Variants in HSD17B12 observed in about 807,000 individuals in gnomAD.
HSD17B12 encodes very-long-chain 3-oxoacyl-CoA reductase.
A neutral mutation model predicts 39.3 loss-of-function variants in HSD17B12; 32 were observed. The observed-to-expected ratio is 0.81, with a 90% CI of 0.61 to 1.09. HSD17B12 has a LOEUF of 1.09. Ranked by LOEUF, HSD17B12 falls within the 50% of genes least tolerant of loss-of-function variation. The probability of loss-of-function intolerance (pLI) is 0.00; values close to 1 mark genes in which losing one functional copy is unlikely to be tolerated. For missense variants in HSD17B12, 342 were observed against 382.9 expected (o/e 0.89, Z 0.89); for synonymous variants, 150 against 146.7 (o/e 1.02, Z -0.16).
At chr11:43,793,544 T>G (rs1950888625) in intron 3 of HSD17B12, among the ~76,000 whole-genome samples, 1 of 152,184 alleles carries the variant, frequency 6.6e-6, no homozygotes, top group Admixed American at 6.5e-5. Context: ...TAAAAGGAAA[T>G]GCCAATTTGT....
chr11:43,799,183 C>T (rs529933887), intron 4 of HSD17B12, among the ~76,000 whole-genome samples: 1 of 151,590 alleles, frequency 6.6e-6, no homozygotes, highest in African/African-American at 2.4e-5. Context: ...AATTTTAATA[C>T]CACAAATACA....
At chr11:43,709,800 G>GGTC in intron 1 of HSD17B12, among the ~76,000 whole-genome samples, 1 of 152,198 alleles carries the variant, frequency 6.6e-6, no homozygotes, top group Non-Finnish European at 1.5e-5. Flanking sequence ...AAAAGGGAGA[G>GGTC]AGTTGACCTG....
chr11:43,684,721 C>T (rs1219056839), intron 1 of HSD17B12, among the ~76,000 whole-genome samples: 1 of 152,198 alleles, frequency 6.6e-6, no homozygotes, highest in South Asian at 2.1e-4. Context: ...ATATACCATA[C>T]AATTTGCCCA....
chr11:43,802,262 A>G (rs1012495810), intron 4 of HSD17B12, among the ~76,000 whole-genome samples: 3 of 152,136 alleles, frequency 2.0e-5, no homozygotes, highest in African/African-American at 7.2e-5. Flanking sequence ...CTGGGATTAC[A>G]GGAGTGAGCC....
the HSD17B12 span, among the ~76,000 whole-genome samples, chr11:43,657,604 C>T: frequency 4.3e-4 from 65 of 152,256 alleles, no homozygotes; most frequent in East Asian, 0.012. Context: ...CTGGTGGTGA[C>T]AAAATCTCTC....
At chr11:43,732,937 T>C (rs909649897) in intron 1 of HSD17B12, among the ~76,000 whole-genome samples, 4 of 152,144 alleles carry the variant, frequency 2.6e-5, no homozygotes, top group African/African-American at 9.7e-5. Flanking sequence ...ATGCCTAGCC[T>C]CAGGTTGTTT....
At chr11:43,756,089 C>T (rs1350092173) in intron 3 of HSD17B12, among the ~76,000 whole-genome samples, 1 of 152,134 alleles carries the variant, frequency 6.6e-6, no homozygotes, top group Non-Finnish European at 1.5e-5. Context: ...TCAATTGTCT[C>T]TTACCAGATC....
At chr11:43,785,475 C>T (rs117627654) in intron 3 of HSD17B12, among the ~76,000 whole-genome samples, 2,821 of 152,216 alleles carry the variant, frequency 0.019, 36 homozygotes, top group Non-Finnish European at 0.027. Context: ...TAGTCAGCTT[C>T]CAGGATGTGA....
At chr11:43,637,079 G>A in the HSD17B12 span, among the ~76,000 whole-genome samples, 1 of 152,170 alleles carries the variant, frequency 6.6e-6, no homozygotes, top group South Asian at 2.1e-4. Context: ...AATAGGATCT[G>A]CATTATAAAG....
At chr11:43,822,290 T>G (rs1469918574) in intron 6 of HSD17B12, among the ~76,000 whole-genome samples, 1 of 152,080 alleles carries the variant, frequency 6.6e-6, no homozygotes, top group East Asian at 1.9e-4. Flanking sequence ...AAGCAGGGGG[T>G]TATATAGTAA....
At chr11:43,713,692 G>A (rs1253456243) in intron 1 of HSD17B12, among the ~76,000 whole-genome samples, 1 of 152,148 alleles carries the variant, frequency 6.6e-6, no homozygotes, top group African/African-American at 2.4e-5. Flanking sequence ...GATCCCTGAG[G>A]AATCGCCACA....
chr11:43,580,103 T>TGGCGCTGCACTGCGAAGAAGGGC, the HSD17B12 span, among the ~76,000 whole-genome samples: 1 of 139,576 alleles, frequency 7.2e-6, no homozygotes, highest in Non-Finnish European at 1.5e-5. Flanking sequence ...GTGGGAAGGG[T>TGGCGCTGCACTGCGAAGAAGGGC]GGCGCTGCAC....
the HSD17B12 span, among the ~76,000 whole-genome samples, chr11:43,633,301 G>T: frequency 2.6e-5 from 4 of 152,176 alleles, no homozygotes; most frequent in African/African-American, 9.7e-5. Flanking sequence ...GGAGGCCAAG[G>T]CAGGAGGATC....
chr11:43,594,193 C>T, the HSD17B12 span, among the ~76,000 whole-genome samples: 3 of 151,978 alleles, frequency 2.0e-5, no homozygotes, highest in African/African-American at 7.3e-5. Flanking sequence ...TTACAAAATC[C>T]TTGAAATAGT....
At position 43,815,513 on chromosome 11, in the gene HSD17B12, TTTG is replaced by T; in HGVS notation, c.456+14_456+16del. Reference sequence around the variant, plus strand: ...CTGACTTGGACAATGTAAGTCTTTCTTTGTGTATTATGGTAACAAAAATAATGC... The same window carrying T: ...CTGACTTGGACAATGTAAGTCTTTCTTGTATTATGGTAACAAAAATAATGC... On this transcript the variant is annotated intron_variant, in intron 5 of 10. Coordinates refer to ENST00000278353, the MANE Select transcript of HSD17B12 (RefSeq NM_016142.3). The T allele has an allele frequency of 5.9e-6, 9 of 1,520,258 alleles. No individual in the cohort carries two copies. Among genetic ancestry groups the T allele is most frequent in the Non-Finnish European group, 8.1e-6 (9 of 1,106,146 alleles). 94.2% of individuals were successfully genotyped at this position (1,520,258 alleles called of 1,614,324 possible).
the HSD17B12 span, among the ~76,000 whole-genome samples, chr11:43,663,496 T>A: frequency 6.6e-6 from 1 of 152,170 alleles, no homozygotes; most frequent in South Asian, 2.1e-4. Context: ...CCTCCCAAAG[T>A]GCCAGGATTA....
Position 43,689,307 on chromosome 11 carries a change from A to G in HSD17B12, c.160+8320A>G, listed in dbSNP as rs563943389. Among the ~76,000 whole-genome samples, 12 of 152,290 alleles carry G rather than the reference A, an allele frequency of 7.9e-5. No individual in the cohort carries two copies. The South Asian group carries it at 2.5e-3, about 32-fold the overall frequency. On this transcript the variant is annotated intron_variant, in intron 1 of 10. Coordinates refer to ENST00000278353, the MANE Select transcript of HSD17B12 (RefSeq NM_016142.3). ...AAATATCCAGAATCTAGTGAGTTCT[A>G]AGCCACCACAGACTCTTGTCTCTCT...
intron 9 of HSD17B12, among the ~76,000 whole-genome samples, chr11:43,849,321 C>CA (rs141462246): frequency 0.22 from 33,727 of 151,826 alleles, 3,980 homozygotes; most frequent in Middle Eastern, 0.37. Context: ...CAAAACAAAA[C>CA]AAAAAAATCC....
chr11:43,812,168 G>T (rs1444382263), intron 4 of HSD17B12, among the ~76,000 whole-genome samples: 1 of 152,158 alleles, frequency 6.6e-6, no homozygotes, highest in Non-Finnish European at 1.5e-5. Context: ...TGTGAATGAT[G>T]CTGCAATAAA....
Sources: gnomAD v4.1 joint callset for allele counts (sites outside exome capture counted in the v4.1 genomes callset) on GRCh38, gnomAD v4.1.1 for gene constraint, MANE v1.5 for transcripts, NCBI Gene and HGNC (gene_info 2026-07-23, HGNC 2026-07-21) for gene names.